Variants in TBP observed in about 807,000 individuals in gnomAD.
TBP encodes the protein TATA-box binding protein.
TBP carries 12 observed loss-of-function variants against 46.2 expected under a neutral mutation model. The observed-to-expected ratio is 0.26, with a 90% CI of 0.17 to 0.42. The LOEUF is 0.42. TBP is among the 10% of genes least tolerant of loss of function. The probability of loss-of-function intolerance (pLI) is 1.00; values close to 1 mark genes in which losing one functional copy is unlikely to be tolerated. For synonymous variants in TBP, 157 were observed against 148.3 expected, an observed-to-expected ratio of 1.06 and a Z score of -0.42; for missense variants, 229 against 403.1, an observed-to-expected ratio of 0.57 and a Z score of 3.70.
chr6:170,562,177 CCCCATCACT>C lies in TBP; in HGVS notation c.444_452del (p.Ile149_Pro151del). 2 of 1,614,168 alleles carry C rather than the reference CCCCATCACT, an allele frequency of 1.2e-6. No homozygotes were observed. The highest frequency in any genetic ancestry group is 1.7e-6 in the Non-Finnish European group (2 of 1,180,022). On this transcript the variant is annotated inframe_deletion, in exon 3 of 8. Transcript: ENST00000392092. ...ATCCCTCCCCCATGACTCCCATGAC[CCCCATCACT>C]CCTGCCACGCCAGCTTCGGAGAGTT...
At chr6:170,561,261 CTT>C (rs1194204049) in intron 2 of TBP, among the ~76,000 whole-genome samples, 2 of 152,188 alleles carry the variant, frequency 1.3e-5, no homozygotes, top group Non-Finnish European at 2.9e-5. Context: ...GCTAACATAA[CTT>C]TTGTAGGCAC....
rs1361003989 is a variant in TBP, at chr6:170,572,776, G to C, written c.*511G>C. Reference sequence around the variant, plus strand: ...TCCAGTATTGCAGGACAGAATATATGTGTTAATGAAAATGAATGGCTGTAC... The same window carrying C: ...TCCAGTATTGCAGGACAGAATATATCTGTTAATGAAAATGAATGGCTGTAC... On this transcript the variant is annotated 3_prime_UTR_variant, in exon 8 of 8. Transcript: ENST00000392092. 1 of 154,014 alleles carries C rather than the reference G, an allele frequency of 6.5e-6. No individual in the cohort carries two copies. The highest frequency in any genetic ancestry group is 1.4e-5 in the Non-Finnish European group (1 of 69,120). 9.5% of individuals were successfully genotyped at this position (154,014 alleles called of 1,614,324 possible). A position where few individuals can be genotyped will look rare whatever the true frequency, so the allele number is the denominator to read the frequency against.
Position 170,556,907 on chromosome 6 carries a change from A to T in TBP, c.-123A>T. 1.1e-6 allele frequency: 1 copy of T among 884,868 alleles called. No homozygotes were observed. The highest frequency in any genetic ancestry group is 1.8e-6 in the Non-Finnish European group (1 of 549,340). The allele number at this position is 884,868 out of a possible 1,614,324, so 54.8% of individuals were successfully genotyped here. ...CATCACTGTTTCTTGGCGTGTGAAGATAACCCAAGGAATTGAGGAAGTTGC... is the reference window on the plus strand; with the variant it reads ...CATCACTGTTTCTTGGCGTGTGAAGTTAACCCAAGGAATTGAGGAAGTTGC... On this transcript the variant is annotated 5_prime_UTR_variant, in exon 2 of 8. Coordinates refer to ENST00000392092, the MANE Select transcript of TBP (RefSeq NM_003194.5).
At chr6:170,566,647 T>C (rs998582656) in intron 4 of TBP, among the ~76,000 whole-genome samples, 2 of 152,236 alleles carry the variant, frequency 1.3e-5, no homozygotes, top group Non-Finnish European at 2.9e-5. Flanking sequence ...CAAACATTTC[T>C]CTTGATGGAA....
chr6:170,565,863 A>C (rs527670724), intron 4 of TBP, among the ~76,000 whole-genome samples: 1 of 152,292 alleles, frequency 6.6e-6, no homozygotes, highest in East Asian at 1.9e-4. Flanking sequence ...ACTTGAGGCC[A>C]ACAGTTCAAG....
Position 170,562,362 on chromosome 6 carries a change from T to G in TBP, c.497+129T>G. On this transcript the variant is annotated intron_variant, in intron 3 of 7. Coordinates refer to ENST00000392092, the MANE Select transcript of TBP (RefSeq NM_003194.5). ...CTAACGGTAATTGTGTATCAAAATTTGCTTTATCTCACATTTGGGAAAGGG... is the reference window on the plus strand; with the variant it reads ...CTAACGGTAATTGTGTATCAAAATTGGCTTTATCTCACATTTGGGAAAGGG... The G allele has an allele frequency of 3.6e-6, 4 of 1,106,888 alleles. No individual in the cohort carries two copies. In the South Asian group the frequency reaches 6.6e-5, roughly 18 times the overall value. The allele number at this position is 1,106,888 out of a possible 1,614,324, so 68.6% of individuals were successfully genotyped here.
In TBP at chr6:170,555,244, T is replaced by C. The variant is rs144829611; in HGVS notation, c.-149+781T>C. 9.8e-5 allele frequency among the ~76,000 whole-genome samples: 15 copies of C among 152,342 alleles called. No homozygotes were observed. The East Asian group carries it at 1.2e-3, about 12-fold the overall frequency. Reference sequence around the variant, plus strand: ...CTGGATAAATCTCTAATCATACTTATAATGGCTTTAAATCCTGCCGTCATT... The same window carrying C: ...CTGGATAAATCTCTAATCATACTTACAATGGCTTTAAATCCTGCCGTCATT... On this transcript the variant is annotated intron_variant, in intron 1 of 7. Coordinates refer to ENST00000392092, the MANE Select transcript of TBP (RefSeq NM_003194.5).
chr6:170,561,116 C>T (rs1779130857), intron 2 of TBP, among the ~76,000 whole-genome samples: 1 of 152,192 alleles, frequency 6.6e-6, no homozygotes, highest in South Asian at 2.1e-4. Context: ...GAGGCAAGAT[C>T]CTCTGTCAGC....
Position 170,572,271 on chromosome 6 carries a change from C to G in TBP, c.*6C>G, listed in dbSNP as rs185477204. On this transcript the variant is annotated 3_prime_UTR_variant, in exon 8 of 8. Coordinates refer to ENST00000392092, the MANE Select transcript of TBP (RefSeq NM_003194.5). ...GATTCAGGAAGACGACGTAATGGCT[C>G]TCATGTACCCTTGCCTCCCCCACCC... 18 of 1,605,632 alleles carry G rather than the reference C, an allele frequency of 1.1e-5. No individual in the cohort carries two copies. The highest frequency in any genetic ancestry group is 1.4e-5 in the Non-Finnish European group (17 of 1,174,358).
At chr6:170,563,966 T>C (rs1161681682) in intron 3 of TBP, among the ~76,000 whole-genome samples, 3 of 152,188 alleles carry the variant, frequency 2.0e-5, no homozygotes, top group South Asian at 4.1e-4. Flanking sequence ...AAAGGGTCAG[T>C]GGACCCAGAT....
In TBP at chr6:170,562,005, A is replaced by AGCAGCAGCAGCAGCG. The variant is rs764917672; in HGVS notation, c.281_282insGCGGCAGCAGCAGCA (p.Gln94_Gln95insArgGlnGlnGlnGln). 3.1e-6 allele frequency: 5 copies of AGCAGCAGCAGCAGCG among 1,607,098 alleles called. No individual in the cohort carries two copies. The Admixed American group carries it at 5.0e-5, about 16-fold the overall frequency. ...CAGCAGCAGCAGCAGCAGCAGCAGC[A>AGCAGCAGCAGCAGCG]GCAGCAGCAGCAACAGGCAGTGGCA... On this transcript the variant is annotated inframe_insertion, in exon 3 of 8. Transcript: ENST00000392092.
chr6:170,563,680 C>G lies in TBP; in HGVS notation c.498-865C>G, dbSNP rs140229172. Among the ~76,000 whole-genome samples, 70 of 152,230 alleles carry G rather than the reference C, an allele frequency of 4.6e-4. 1 individual carries two copies. In the East Asian group the frequency reaches 0.012, roughly 27 times the overall value. On this transcript the variant is annotated intron_variant, in intron 3 of 7. Transcript: ENST00000392092. ...AACCAGAAGCAACAATGAGCTGAAA[C>G]CTATTGTATTTGAACCTATGTATTT...
intron 5 of TBP, among the ~76,000 whole-genome samples, chr6:170,568,827 T>TC: frequency 8.6e-6 from 1 of 116,034 alleles, no homozygotes; most frequent in African/African-American, 3.5e-5. Flanking sequence ...TTTTTTTTTT[T>TC]TTTTTTTTTT....
intron 3 of TBP, 94 bp from the exon 4 acceptor site, chr6:170,564,451 T>C (rs890305005): frequency 2.4e-6 from 2 of 831,232 alleles, no homozygotes; most frequent in Non-Finnish European, 3.7e-6. Flanking sequence ...AAAGCCTGGT[T>C]GAAATAATCA....
chr6:170,572,081 A>C, intron 7 of TBP, 105 bp from the exon 8 acceptor site: 1 of 831,328 alleles, frequency 1.2e-6, no homozygotes, highest in Non-Finnish European at 2.1e-6. Flanking sequence ...CTGACTGGGT[A>C]TGGTGAGAAT....
At chr6:170,559,528 A>G (rs945287965) in intron 2 of TBP, among the ~76,000 whole-genome samples, 4 of 152,210 alleles carry the variant, frequency 2.6e-5, no homozygotes, top group South Asian at 2.1e-4. Context: ...AATACAGAGC[A>G]AGGCCTTAAC....
At position 170,566,969 on chromosome 6, in the gene TBP, ATT is replaced by A; in HGVS notation, c.640_641del (p.Phe214GlnfsTer13). The A allele has an allele frequency of 6.2e-7, 1 of 1,613,758 alleles. No individual in the cohort carries two copies. Among genetic ancestry groups the A allele is most frequent in the Non-Finnish European group, 8.5e-7 (1 of 1,179,822 alleles). ...RIREPRTTAL[I>X]FSSGKMVCTG... is the part of the protein sequence containing the mutation. The stretch of plus-strand genomic sequence containing the variant: ...AAGAGAGCCACGAACCACGGCACTG[ATT>A]TTCAGTTCTGGGAAAATGGTGTGCA... On this transcript the variant is annotated frameshift_variant, in exon 5 of 8. Transcript: ENST00000392092. LOFTEE classifies it high-confidence loss of function.
Position 170,572,346 on chromosome 6 carries a change from T to C in TBP, c.*81T>C, listed in dbSNP as rs1779380425. Reference sequence around the variant, plus strand: ...ATCAGTTTGTTTTGGTACCTTTAAATGGTGGTGTTGTGAGAAGATGGATGT... The same window carrying C: ...ATCAGTTTGTTTTGGTACCTTTAAACGGTGGTGTTGTGAGAAGATGGATGT... On this transcript the variant is annotated 3_prime_UTR_variant, in exon 8 of 8. Coordinates refer to ENST00000392092, the MANE Select transcript of TBP (RefSeq NM_003194.5). The C allele has an allele frequency of 8.6e-7, 1 of 1,164,606 alleles. No homozygotes were observed. The highest frequency in any genetic ancestry group is 2.0e-5 in the Admixed American group (1 of 50,040). The allele number at this position is 1,164,606 out of a possible 1,614,324, so 72.1% of individuals were successfully genotyped here. A position where few individuals can be genotyped will look rare whatever the true frequency, so the allele number is the denominator to read the frequency against.
At chr6:170,568,371 CAT>C (rs768039013) in intron 5 of TBP, among the ~76,000 whole-genome samples, 1 of 151,778 alleles carries the variant, frequency 6.6e-6, no homozygotes, top group East Asian at 1.9e-4. Flanking sequence ...AAAAGCGTAG[CAT>C]ATATATATAT....
Sources: gnomAD v4.1 joint callset for allele counts (sites outside exome capture counted in the v4.1 genomes callset) on GRCh38, gnomAD v4.1.1 for gene constraint, MANE v1.5 for transcripts, NCBI Gene and HGNC (gene_info 2026-07-23, HGNC 2026-07-21) for gene names.